Variants in MEIS2 observed in about 807,000 individuals in gnomAD.
MEIS2 encodes homeobox protein Meis2.
MEIS2 carries 9 observed loss-of-function variants against 58.6 expected under a neutral mutation model. The ratio of observed to expected loss-of-function variants is 0.15; its 90% CI spans 0.09 to 0.27. The LOEUF (loss-of-function observed/expected upper bound fraction) is 0.27. Ranked by LOEUF, MEIS2 falls within the 10% of genes least tolerant of loss-of-function variation. The probability of loss-of-function intolerance (pLI) is 1.00; values close to 1 mark genes in which losing one functional copy is unlikely to be tolerated. For missense variants in MEIS2, 427 were observed against 635.0 expected, an observed-to-expected ratio of 0.67 and a Z score of 3.52; for synonymous variants, 221 against 228.4, an observed-to-expected ratio of 0.97 and a Z score of 0.29.
At chr15:36,950,118 A>G (rs1435173410) in intron 9 of MEIS2, among the ~76,000 whole-genome samples, 4 of 151,976 alleles carry the variant, frequency 2.6e-5, no homozygotes, top group Admixed American at 2.6e-4. Flanking sequence ...AGAGAGAAAA[A>G]GAAAAGGAAT....
chr15:36,971,154 G>A (rs1413105682), intron 8 of MEIS2, among the ~76,000 whole-genome samples: 1 of 151,850 alleles, frequency 6.6e-6, no homozygotes, highest in African/African-American at 2.4e-5. Context: ...CTAGTAACAG[G>A]AAAAAGGAAT....
chr15:37,007,494 C>G lies in MEIS2; in HGVS notation c.900+29320G>C, dbSNP rs1415652211. 3.3e-5 allele frequency among the ~76,000 whole-genome samples: 5 copies of G among 152,264 alleles called. 1 individual carries two copies. Among genetic ancestry groups the G allele is most frequent in the Admixed American group, 3.3e-4 (5 of 15,294 alleles). ...CAGAAACCCTCCCTGAGGGTGGTGC[C>G]GGCATGTGAACAAAGAGCAGCAGAG... On this transcript the variant is annotated intron_variant, in intron 8 of 11. Transcript: ENST00000561208.
At chr15:36,970,040 T>TA (rs2059484057) in intron 8 of MEIS2, among the ~76,000 whole-genome samples, 1 of 152,222 alleles carries the variant, frequency 6.6e-6, no homozygotes, top group African/African-American at 2.4e-5. Flanking sequence ...CCTAGCTATA[T>TA]AGACAGTCAC....
chr15:37,027,647 C>T (rs1159115768), intron 8 of MEIS2, among the ~76,000 whole-genome samples: 2 of 152,000 alleles, frequency 1.3e-5, no homozygotes, highest in Non-Finnish European at 2.9e-5. Flanking sequence ...AATTATACTT[C>T]GAGTGATATT....
At chr15:37,073,148 G>C (rs1166890263) in intron 7 of MEIS2, among the ~76,000 whole-genome samples, 2 of 152,028 alleles carry the variant, frequency 1.3e-5, no homozygotes, top group African/African-American at 4.8e-5. Context: ...CACCAAAATG[G>C]ACTTTTTAAA....
chr15:37,052,631 T>A (rs1378915145), intron 7 of MEIS2, among the ~76,000 whole-genome samples: 1 of 152,238 alleles, frequency 6.6e-6, no homozygotes, highest in Non-Finnish European at 1.5e-5. Flanking sequence ...ATCTGACTTT[T>A]GAGATGTGTG....
chr15:37,002,384 T>C lies in MEIS2; in HGVS notation c.900+34430A>G, dbSNP rs74384695. 2.7e-3 allele frequency among the ~76,000 whole-genome samples: 410 copies of C among 152,202 alleles called. 1 individual carries two copies. Among genetic ancestry groups the C allele is most frequent in the African/African-American group, 9.2e-3 (382 of 41,516 alleles). The stretch of plus-strand genomic sequence containing the variant: ...CCTTCCTCCAACTCCCATAGCCCTG[T>C]ACCCATAGTTTTCTTTTGACACTTT... On this transcript the variant is annotated intron_variant, in intron 8 of 11. Transcript: ENST00000561208.
rs1173635398 is a variant in MEIS2 at position 37,018,997 on chromosome 15, G to T, written c.900+17817C>A. Among the ~76,000 whole-genome samples the T allele has an allele frequency of 4.6e-5, 7 of 152,270 alleles. No homozygotes were observed. In the East Asian group the frequency reaches 9.7e-4, roughly 21 times the overall value. On this transcript the variant is annotated intron_variant, in intron 8 of 11. Transcript: ENST00000561208. ...CACACTACATTAACTCCAGCTTCAAGCCAAGAGGACTAGTCCCAGACCACC... is the reference window on the plus strand; with the variant it reads ...CACACTACATTAACTCCAGCTTCAATCCAAGAGGACTAGTCCCAGACCACC...
chr15:36,976,529 T>C (rs2059766396), intron 8 of MEIS2, among the ~76,000 whole-genome samples: 1 of 149,580 alleles, frequency 6.7e-6, no homozygotes, highest in Admixed American at 6.7e-5. Flanking sequence ...CTTATACATA[T>C]ATATCATTGG....
At chr15:37,091,262 A>C (rs1368797805) in intron 6 of MEIS2, among the ~76,000 whole-genome samples, 2 of 152,138 alleles carry the variant, frequency 1.3e-5, no homozygotes, top group Non-Finnish European at 2.9e-5. Context: ...TATGGTACAA[A>C]AGTCTCAAAA....
chr15:36,947,343 A>C (rs538173285), intron 9 of MEIS2, among the ~76,000 whole-genome samples: 2 of 152,136 alleles, frequency 1.3e-5, no homozygotes, highest in East Asian at 3.9e-4. Context: ...GACACAAGGC[A>C]TCTTTAATTC....
chr15:37,096,420 A>G lies in MEIS2; in HGVS notation c.256T>C (p.Phe86Leu). 6.2e-7 allele frequency: 1 copy of G among 1,613,442 alleles called. No homozygotes were observed. Among genetic ancestry groups the G allele is most frequent in the Non-Finnish European group, 8.5e-7 (1 of 1,179,612 alleles). ...DKDAIYGHPL[F>L]PLLALVFEKC... ...TCAAAGACCAGAGCTAACAGAGGAAACAACGGGTGCCTAACGGGCAGCGCC... is the reference window on the plus strand; with the variant it reads ...TCAAAGACCAGAGCTAACAGAGGAAGCAACGGGTGCCTAACGGGCAGCGCC... The change falls in exon 3 of 12, where the codon TTT (phenylalanine) becomes CTT (leucine). Residue 86 changes from phenylalanine to leucine, a missense_variant. This residue lies in a region of MEIS2 where 138 missense variants were observed against 263.0 expected (regional missense o/e 0.52). Coordinates refer to ENST00000561208, the MANE Select transcript of MEIS2 (RefSeq NM_170675.5).
intron 8 of MEIS2, among the ~76,000 whole-genome samples, chr15:36,989,283 A>G (rs780057683): frequency 2.6e-5 from 4 of 152,112 alleles, no homozygotes; most frequent in Non-Finnish European, 4.4e-5. Flanking sequence ...TTTCCTGTAA[A>G]TTTTCAGCCC....
At chr15:36,948,809 A>G (rs1477581139) in intron 9 of MEIS2, among the ~76,000 whole-genome samples, 1 of 152,018 alleles carries the variant, frequency 6.6e-6, no homozygotes, top group Non-Finnish European at 1.5e-5. Context: ...GCGCCTATCA[A>G]TGTATAATCA....
Position 37,000,050 on chromosome 15 carries a change from T to G in MEIS2, c.900+36764A>C, listed in dbSNP as rs896865148. 5.3e-5 allele frequency among the ~76,000 whole-genome samples: 8 copies of G among 152,284 alleles called. No individual in the cohort carries two copies. The East Asian group carries it at 1.2e-3, about 22-fold the overall frequency. ...CCTTTTTATCTTTGAGTTATTAATA[T>G]TCCAGCAAGGAAGAGTTTAAAATAT... is the stretch of plus-strand genomic sequence containing the variant. On this transcript the variant is annotated intron_variant, in intron 8 of 11. Transcript: ENST00000561208.
chr15:37,043,680 C>CTTTTTTT (rs35502089), intron 7 of MEIS2, among the ~76,000 whole-genome samples: 4 of 112,930 alleles, frequency 3.5e-5, no homozygotes, highest in Admixed American at 9.4e-5. Context: ...CCGTCCCCTC[C>CTTTTTTT]TTTTTTTTTT....
Position 36,945,765 on chromosome 15 carries a change from T to G in MEIS2, c.977+4559A>C, listed in dbSNP as rs550044710. 3.3e-5 allele frequency among the ~76,000 whole-genome samples: 5 copies of G among 152,132 alleles called. No individual in the cohort carries two copies. In the East Asian group the frequency reaches 9.7e-4, roughly 29 times the overall value. On this transcript the variant is annotated intron_variant, in intron 9 of 11. Transcript: ENST00000561208. ...GTGGGGCAAACAGGACACAGGTATT[T>G]AATCTCAGCTTGAGAGGCCATTATA...
rs562916449 is a variant in MEIS2, at chr15:37,017,945, C to T, written c.900+18869G>A. On this transcript the variant is annotated intron_variant, in intron 8 of 11. Transcript: ENST00000561208. ...TAAAAGTATTTGTCCCCTTAAAGGGCCAACATAGTGATTAAGAGCCAACCT... is the reference window on the plus strand; with the variant it reads ...TAAAAGTATTTGTCCCCTTAAAGGGTCAACATAGTGATTAAGAGCCAACCT... 3.9e-5 allele frequency among the ~76,000 whole-genome samples: 6 copies of T among 152,288 alleles called. No individual in the cohort carries two copies. In the East Asian group the frequency reaches 1.2e-3, roughly 29 times the overall value.
intron 7 of MEIS2, chr15:37,066,618 C>T (rs1889967123): frequency 6.6e-6 from 1 of 152,098 alleles, no homozygotes. Context: ...ATACAGTATT[C>T]CTTTGCAGAC....
Sources: allele counts gnomAD v4.1 joint callset (sites outside exome capture counted in the v4.1 genomes callset), GRCh38; gene constraint gnomAD v4.1.1; regional missense constraint gnomAD v4.1.1; transcripts MANE v1.5; gene names NCBI Gene and HGNC (gene_info 2026-07-23, HGNC 2026-07-21).